Variants in P2RX7 observed in about 807,000 individuals in gnomAD.
P2RX7 encodes the protein purinergic receptor P2X 7, also known as P2X purinoceptor 7.
P2RX7 carries 62 observed loss-of-function variants against 71.6 expected under a neutral mutation model. The ratio of observed to expected loss-of-function variants is 0.87; its 90% CI spans 0.71 to 1.07. P2RX7 has a LOEUF of 1.07. P2RX7 is among the 50% of genes least tolerant of loss of function. P2RX7 has a pLI of 0.00. For missense variants in P2RX7, 686 were observed against 748.5 expected (o/e 0.92, Z 0.97); for synonymous variants, 299 against 283.3 (o/e 1.06, Z -0.56).
chr12:121,148,185 CTTTT>C (rs896518458), intron 1 of P2RX7, among the ~76,000 whole-genome samples: 27 of 135,348 alleles, frequency 2.0e-4, no homozygotes, highest in Non-Finnish European at 3.6e-4. Flanking sequence ...GGGCTGGGAT[CTTTT>C]TTATTTATTT....
At chr12:121,174,861 G>A (rs915733063) in intron 8 of P2RX7, among the ~76,000 whole-genome samples, 1 of 152,004 alleles carries the variant, frequency 6.6e-6, no homozygotes, top group Non-Finnish European at 1.5e-5. Flanking sequence ...TACAGGTGGT[G>A]ACATGGGGAG....
chr12:121,160,339 GT>G (rs1163722610), intron 3 of P2RX7, among the ~76,000 whole-genome samples: 1 of 152,072 alleles, frequency 6.6e-6, no homozygotes, highest in Non-Finnish European at 1.5e-5. Flanking sequence ...TAGAGACGGG[GT>G]TTCACCATGT....
At chr12:121,165,464 T>C in intron 6 of P2RX7, 27 bp downstream of exon 6, 1 of 1,559,376 alleles carries the variant, frequency 6.4e-7, no homozygotes, top group Non-Finnish European at 8.8e-7. Flanking sequence ...CCTGGCTGTC[T>C]TAGTTATCTA....
At chr12:121,142,198 C>T (rs1462635534) in intron 1 of P2RX7, among the ~76,000 whole-genome samples, 1 of 152,162 alleles carries the variant, frequency 6.6e-6, no homozygotes, top group Non-Finnish European at 1.5e-5. Flanking sequence ...GTCCCACAGG[C>T]CTAAATCAAG....
At chr12:121,155,039 A>T (rs1278049523) in intron 2 of P2RX7, 86 bp downstream of exon 2, 1 of 1,562,446 alleles carries the variant, frequency 6.4e-7, no homozygotes, top group Non-Finnish European at 8.7e-7. Context: ...CTACAGCCTC[A>T]CTCCAGAAAA....
At chr12:121,153,730 G>A (rs532960633) in intron 1 of P2RX7, among the ~76,000 whole-genome samples, 1 of 152,188 alleles carries the variant, frequency 6.6e-6, no homozygotes, top group South Asian at 2.1e-4. Flanking sequence ...GCGCATGCCG[G>A]TAATCCTGGT....
Position 121,187,635 on chromosome 12 carries a change from A to G in P2RX7, c.*2833A>G, listed in dbSNP as rs994257689. ...TCTACTGTTTTCCATCACCTTCCCC[A>G]CTGATGCTCTGGGCGAGAGAGTGAT... On this transcript the variant is annotated 3_prime_UTR_variant, in exon 13 of 13. Coordinates refer to ENST00000328963, the MANE Select transcript of P2RX7 (RefSeq NM_002562.6). 6.6e-6 allele frequency: 1 copy of G among 151,710 alleles called. No individual in the cohort carries two copies. The highest frequency in any genetic ancestry group is 1.5e-5 in the Non-Finnish European group (1 of 67,854). 9.4% of individuals were successfully genotyped at this position (151,710 alleles called of 1,614,324 possible). A position where few individuals can be genotyped will look rare whatever the true frequency, so the allele number is the denominator to read the frequency against.
chr12:121,183,604 C>A (rs1237890485), intron 12 of P2RX7, among the ~76,000 whole-genome samples: 2 of 151,156 alleles, frequency 1.3e-5, no homozygotes, highest in Non-Finnish European at 2.9e-5. Context: ...CACACACACA[C>A]ACACACACAA....
intron 3 of P2RX7, among the ~76,000 whole-genome samples, chr12:121,158,744 T>A (rs545804361): frequency 1.3e-5 from 2 of 151,974 alleles, no homozygotes; most frequent in South Asian, 2.1e-4. Flanking sequence ...AAAAAAAAAA[T>A]TAGAATTCCT....
chr12:121,139,860 T>C (rs1203934988), intron 1 of P2RX7, among the ~76,000 whole-genome samples: 2 of 150,872 alleles, frequency 1.3e-5, no homozygotes, highest in African/African-American at 2.4e-5. Context: ...TCAGCCTCCC[T>C]AGTAGGGACT....
At chr12:121,146,676 G>A (rs1463089896) in intron 1 of P2RX7, among the ~76,000 whole-genome samples, 5 of 152,162 alleles carry the variant, frequency 3.3e-5, no homozygotes, top group African/African-American at 1.2e-4. Context: ...TTGGGAAAAT[G>A]AACTCAGCTA....
In P2RX7 at chr12:121,143,588, G is replaced by A. The variant is rs1875481678; in HGVS notation, c.125+10493G>A. Among the ~76,000 whole-genome samples the A allele has an allele frequency of 2.6e-5, 4 of 151,556 alleles. No individual in the cohort carries two copies. The South Asian group carries it at 6.3e-4, about 24-fold the overall frequency. ...AAATCGGCCAGGCGCGGTGGCTCACGTCTGTAATCCCAGAACTCTGGGAGA... is the reference window on the plus strand; with the variant it reads ...AAATCGGCCAGGCGCGGTGGCTCACATCTGTAATCCCAGAACTCTGGGAGA... On this transcript the variant is annotated intron_variant, in intron 1 of 12. Coordinates refer to ENST00000328963, the MANE Select transcript of P2RX7 (RefSeq NM_002562.6).
rs199991804 is a variant in P2RX7 at position 121,132,968 on chromosome 12, A to C, written c.-3A>C. 187 of 1,613,468 alleles carry C rather than the reference A, an allele frequency of 1.2e-4. No homozygotes were observed. In the South Asian group the frequency reaches 1.9e-3, roughly 16 times the overall value. On this transcript the variant is annotated 5_prime_UTR_variant, in exon 1 of 13. Transcript: ENST00000328963. ...GCTCCGCGCAGGGAGGGAGGCTGTC[A>C]CCATGCCGGCCTGCTGCAGCTGCAG...
chr12:121,170,540 C>A (rs569010983), intron 8 of P2RX7, among the ~76,000 whole-genome samples: 2 of 152,124 alleles, frequency 1.3e-5, no homozygotes, highest in African/African-American at 4.8e-5. Context: ...TTTGGGAGGC[C>A]GAAGCAGGAG....
rs555092623 is a variant in P2RX7 at position 121,164,007 on chromosome 12, C to T, written c.534-1350C>T. Reference sequence around the variant, plus strand: ...AATAGCTCCACTCAGGTTCATTTCTCGGTCAGGGGCATTTCTTTGTCACAG... The same window carrying T: ...AATAGCTCCACTCAGGTTCATTTCTTGGTCAGGGGCATTTCTTTGTCACAG... On this transcript the variant is annotated intron_variant, in intron 5 of 12. Coordinates refer to ENST00000328963, the MANE Select transcript of P2RX7 (RefSeq NM_002562.6). Among the ~76,000 whole-genome samples, 4 of 143,384 alleles carry T rather than the reference C, an allele frequency of 2.8e-5. No homozygotes were observed. In the East Asian group the frequency reaches 5.9e-4, roughly 21 times the overall value. The allele number at this position is 143,384 out of a possible 152,430, so 94.1% of individuals were successfully genotyped here. A position where few individuals can be genotyped will look rare whatever the true frequency, so the allele number is the denominator to read the frequency against.
intron 1 of P2RX7, among the ~76,000 whole-genome samples, chr12:121,150,766 G>T (rs1039535528): frequency 1.3e-5 from 2 of 152,140 alleles, no homozygotes; most frequent in Admixed American, 6.5e-5. Flanking sequence ...AAAATTAGCT[G>T]GGCACGATGG....
intron 1 of P2RX7, among the ~76,000 whole-genome samples, chr12:121,144,502 T>C (rs1205564550): frequency 6.6e-6 from 1 of 152,196 alleles, no homozygotes; most frequent in African/African-American, 2.4e-5. Context: ...CCAGCCCTAA[T>C]ATCCTCTTAT....
intron 11 of P2RX7, among the ~76,000 whole-genome samples, chr12:121,179,368 C>T (rs1283148918): frequency 9.9e-5 from 15 of 151,784 alleles, no homozygotes; most frequent in Non-Finnish European, 7.4e-5. Context: ...GGCATGGTGG[C>T]GCATGCCTGT....
chr12:121,143,372 C>T (rs1044371392), intron 1 of P2RX7, among the ~76,000 whole-genome samples: 2 of 151,242 alleles, frequency 1.3e-5, no homozygotes, highest in Non-Finnish European at 3.0e-5. Context: ...CCAGCCTGGA[C>T]GACAGAGCGA....
Sources: gnomAD v4.1 joint callset for allele counts (sites outside exome capture counted in the v4.1 genomes callset) on GRCh38, gnomAD v4.1.1 for gene constraint, MANE v1.5 for transcripts, NCBI Gene and HGNC (gene_info 2026-07-23, HGNC 2026-07-21) for gene names.